The following SPATA16 variants were observed in gnomAD, a reference collection of about 807,000 sequenced individuals.
The protein encoded by SPATA16 is spermatogenesis-associated protein 16.
SPATA16 carries 36 observed loss-of-function variants against 63.3 expected under a neutral mutation model. The ratio of observed to expected loss-of-function variants is 0.57; its 90% CI spans 0.44 to 0.75. The LOEUF is 0.75. Ranked by LOEUF, SPATA16 falls within the 30% of genes least tolerant of loss-of-function variation. The probability of loss-of-function intolerance (pLI) is 0.00; values close to 1 mark genes in which losing one functional copy is unlikely to be tolerated. For synonymous variants in SPATA16, 203 were observed against 216.7 expected (o/e 0.94, Z 0.56); for missense variants, 646 against 679.3 (o/e 0.95, Z 0.54).
chr3:173,045,747 T>C (rs931570742), intron 3 of SPATA16, among the ~76,000 whole-genome samples: 1 of 152,008 alleles, frequency 6.6e-6, no homozygotes, highest in African/African-American at 2.4e-5. Flanking sequence ...TGCTAATATT[T>C]ATTTATTTAT....
chr3:173,130,296 G>A (rs1738339525), intron 1 of SPATA16, among the ~76,000 whole-genome samples: 1 of 142,630 alleles, frequency 7.0e-6, no homozygotes, highest in African/African-American at 2.6e-5. Flanking sequence ...AGAGTCAGAG[G>A]TTGCAGTGAG....
At chr3:172,961,990 C>T (rs1170176512) in intron 5 of SPATA16, among the ~76,000 whole-genome samples, 4 of 152,054 alleles carry the variant, frequency 2.6e-5, no homozygotes, top group East Asian at 1.9e-4. Flanking sequence ...ACGATCCTCA[C>T]GCCTGTAATC....
chr3:173,120,458 C>G (rs150656108), intron 1 of SPATA16, among the ~76,000 whole-genome samples: 125 of 152,218 alleles, frequency 8.2e-4, no homozygotes, highest in African/African-American at 2.8e-3. Flanking sequence ...GGTTTGTGAG[C>G]TGTTCCAACA....
chr3:173,084,148 A>G (rs1460113162), intron 2 of SPATA16, among the ~76,000 whole-genome samples: 1 of 152,158 alleles, frequency 6.6e-6, no homozygotes, highest in Non-Finnish European at 1.5e-5. Flanking sequence ...CAACAGTGTA[A>G]GTGTTCCTAT....
At chr3:172,948,205 A>G (rs1450502120) in intron 6 of SPATA16, among the ~76,000 whole-genome samples, 1 of 151,736 alleles carries the variant, frequency 6.6e-6, no homozygotes. Flanking sequence ...CCCAAAGGCC[A>G]TGGATAAATA....
At chr3:172,916,574 A>T in intron 8 of SPATA16, 93 bp from the exon 9 acceptor site, 2 of 1,333,328 alleles carry the variant, frequency 1.5e-6, no homozygotes, top group Non-Finnish European at 2.1e-6. Context: ...TAACGTATTT[A>T]CATCTTTTGA....
chr3:172,983,256 AT>A (rs1396326229), intron 4 of SPATA16, among the ~76,000 whole-genome samples: 10 of 151,730 alleles, frequency 6.6e-5, no homozygotes, highest in Admixed American at 2.0e-4. Flanking sequence ...CCTCACAATA[AT>A]TTATTAATCT....
chr3:172,974,468 A>C (rs9870663), intron 5 of SPATA16, among the ~76,000 whole-genome samples: 3 of 151,878 alleles, frequency 2.0e-5, no homozygotes, highest in Non-Finnish European at 4.4e-5. Flanking sequence ...TAAAGATGGC[A>C]TAGACTTGGC....
intron 4 of SPATA16, among the ~76,000 whole-genome samples, chr3:173,006,138 T>A (rs1318275088): frequency 1.3e-5 from 2 of 152,210 alleles, no homozygotes; most frequent in Non-Finnish European, 2.9e-5. Context: ...TCTGTCTTTA[T>A]TAATGTCAGT....
intron 1 of SPATA16, among the ~76,000 whole-genome samples, chr3:173,119,841 C>A (rs1488370456): frequency 1.6e-5 from 2 of 126,292 alleles, no homozygotes; most frequent in Non-Finnish European, 3.7e-5. Flanking sequence ...GATGGCTTGG[C>A]CTTTGGGAGG....
chr3:172,975,165 A>T (rs1281449870), intron 5 of SPATA16, among the ~76,000 whole-genome samples: 1 of 152,198 alleles, frequency 6.6e-6, no homozygotes, highest in East Asian at 1.9e-4. Flanking sequence ...ATGTGCTGAC[A>T]TAACAAGATT....
intron 8 of SPATA16, among the ~76,000 whole-genome samples, chr3:172,918,197 G>A (rs1695704848): frequency 6.6e-6 from 1 of 152,120 alleles, no homozygotes; most frequent in South Asian, 2.1e-4. Flanking sequence ...GAGGAGAAAC[G>A]GTTTTCATTC....
chr3:172,899,717 G>A (rs914227137), intron 10 of SPATA16, among the ~76,000 whole-genome samples: 2 of 151,750 alleles, frequency 1.3e-5, no homozygotes, highest in African/African-American at 4.8e-5. Context: ...ACCTTTTTGA[G>A]GTTAAACATT....
intron 2 of SPATA16, among the ~76,000 whole-genome samples, chr3:173,098,150 A>G (rs1034595676): frequency 1.3e-5 from 2 of 152,058 alleles, no homozygotes; most frequent in African/African-American, 4.8e-5. Flanking sequence ...GTGAAAAAAA[A>G]AAAACTTGGA....
At chr3:172,943,075 T>A (rs1733196660) in intron 6 of SPATA16, among the ~76,000 whole-genome samples, 1 of 152,092 alleles carries the variant, frequency 6.6e-6, no homozygotes, top group East Asian at 1.9e-4. Context: ...CAAGGGAAGA[T>A]GTTGAAAATT....
At chr3:173,079,241 A>G (rs188141398) in intron 2 of SPATA16, among the ~76,000 whole-genome samples, 75 of 152,330 alleles carry the variant, frequency 4.9e-4, no homozygotes, top group Non-Finnish European at 8.8e-4. Flanking sequence ...CAAGTCACAG[A>G]TATCTTATAT....
intron 10 of SPATA16, among the ~76,000 whole-genome samples, chr3:172,901,579 C>A (rs139524654): frequency 1.9e-3 from 295 of 152,282 alleles, no homozygotes; most frequent in African/African-American, 6.7e-3. Flanking sequence ...AGTTTGAGAT[C>A]TTTCCGGTTT....
chr3:172,934,074 A>G (rs1467439508), intron 6 of SPATA16, among the ~76,000 whole-genome samples: 1 of 152,154 alleles, frequency 6.6e-6, no homozygotes, highest in African/African-American at 2.4e-5. Context: ...ATTTATAAGT[A>G]TAATAAAAAT....
At chr3:173,085,656 C>T (rs934586200) in intron 2 of SPATA16, among the ~76,000 whole-genome samples, 13 of 152,056 alleles carry the variant, frequency 8.5e-5, no homozygotes, top group African/African-American at 3.1e-4. Context: ...GTAAGTTTGT[C>T]AAAAATGGCT....
Sources: gnomAD v4.1 joint callset for allele counts (sites outside exome capture counted in the v4.1 genomes callset) on GRCh38, gnomAD v4.1.1 for gene constraint, MANE v1.5 for transcripts, NCBI Gene and HGNC (gene_info 2026-07-23, HGNC 2026-07-21) for gene names.